The following CAPN13 variants were observed in gnomAD, a reference collection of about 807,000 sequenced individuals.
CAPN13 encodes calpain-13.
CAPN13 carries 90 observed loss-of-function variants against 98.4 expected under a neutral mutation model. That is an observed-to-expected ratio of 0.92 (90% CI 0.77 to 1.09). The LOEUF is 1.09. CAPN13 is among the 50% of genes least tolerant of loss of function. CAPN13 has a pLI of 0.00. For synonymous variants in CAPN13, 330 were observed against 305.5 expected, an observed-to-expected ratio of 1.08 and a Z score of -0.84; for missense variants, 887 against 841.3, an observed-to-expected ratio of 1.05 and a Z score of -0.67.
At chr2:30,805,307 G>T (rs1371177839) in intron 1 of CAPN13, among the ~76,000 whole-genome samples, 2 of 152,146 alleles carry the variant, frequency 1.3e-5, no homozygotes, top group Non-Finnish European at 2.9e-5. Context: ...TTGGCCAAGT[G>T]GCTGGTCATG....
intron 20 of CAPN13, among the ~76,000 whole-genome samples, chr2:30,731,972 C>T (rs929182631): frequency 2.0e-5 from 3 of 152,098 alleles, no homozygotes; most frequent in Non-Finnish European, 4.4e-5. Flanking sequence ...GGGTTTCACA[C>T]TAGATTTCAT....
At chr2:30,786,629 G>A (rs1257701175) in intron 2 of CAPN13, among the ~76,000 whole-genome samples, 4 of 152,148 alleles carry the variant, frequency 2.6e-5, no homozygotes, top group Admixed American at 2.0e-4. Context: ...CTCTAAGATC[G>A]AGAATGGGAA....
At chr2:30,795,163 G>A (rs1171847960) in intron 1 of CAPN13, among the ~76,000 whole-genome samples, 1 of 151,930 alleles carries the variant, frequency 6.6e-6, no homozygotes, top group Admixed American at 6.6e-5. Context: ...TGATTTATTT[G>A]TACTTCTCCT....
chr2:30,732,515 AG>A lies in CAPN13; in HGVS notation c.1849del (p.Leu617SerfsTer19), dbSNP rs1671155938. The A allele has an allele frequency of 6.2e-7, 1 of 1,612,094 alleles. No homozygotes were observed. Among genetic ancestry groups the A allele is most frequent in the Non-Finnish European group, 8.5e-7 (1 of 1,179,178 alleles). On this transcript the variant is annotated frameshift_variant, in exon 20 of 23. Coordinates refer to ENST00000295055, the MANE Select transcript of CAPN13 (RefSeq NM_144575.3). LOFTEE classifies it high-confidence loss of function. ...CCTGCCGACGCTGTCGCTGTACCTG[AG>A]GGTCACCAGATGCAGCAGCTCACGG... ...ISRELLHLVT[L>X]RYSDSVGRVS...
At chr2:30,741,362 C>T (rs1671644581) in intron 15 of CAPN13, 1 of 985,002 alleles carries the variant, frequency 1.0e-6, no homozygotes, top group Non-Finnish European at 1.2e-6. Context: ...ACTTTCCACA[C>T]TAACACAATT....
intron 1 of CAPN13, among the ~76,000 whole-genome samples, chr2:30,802,015 C>T (rs980097018): frequency 2.6e-5 from 4 of 152,166 alleles, no homozygotes; most frequent in African/African-American, 9.7e-5. Context: ...CACAACACAG[C>T]GGAGAAAGGA....
In CAPN13 at chr2:30,723,161, A is replaced by G. The variant is rs1191313759; in HGVS notation, c.*106T>C. ...TTTCATGCAGGGCTGGTTTAGATTT[A>G]TCACAACCACCATACTGGGCAGCAC... On this transcript the variant is annotated 3_prime_UTR_variant, in exon 23 of 23. Coordinates refer to ENST00000295055, the MANE Select transcript of CAPN13 (RefSeq NM_144575.3). 1 of 152,262 alleles carries G rather than the reference A, an allele frequency of 6.6e-6. No homozygotes were observed. The highest frequency in any genetic ancestry group is 6.5e-5 in the Admixed American group (1 of 15,286). The allele number at this position is 152,262 out of a possible 1,614,324, so 9.4% of individuals were successfully genotyped here.
intron 6 of CAPN13, 87 bp from the exon 7 acceptor site, chr2:30,763,243 C>T: frequency 8.4e-7 from 1 of 1,186,258 alleles, no homozygotes; most frequent in South Asian, 1.3e-5. Context: ...GCCACTGAGC[C>T]ATCTGGGCCT....
intron 1 of CAPN13, among the ~76,000 whole-genome samples, chr2:30,791,018 G>T (rs768987364): frequency 6.6e-6 from 1 of 151,962 alleles, no homozygotes; most frequent in Non-Finnish European, 1.5e-5. Flanking sequence ...GGGGGTTAGG[G>T]TTTCATATGA....
intron 15 of CAPN13, among the ~76,000 whole-genome samples, 175 bp from the exon 16 acceptor site, chr2:30,738,632 T>A (rs567569504): frequency 6.6e-6 from 1 of 152,282 alleles, no homozygotes; most frequent in East Asian, 1.9e-4. Flanking sequence ...AGTGACTCCC[T>A]CCCCTGCACA....
intron 10 of CAPN13, among the ~76,000 whole-genome samples, chr2:30,752,237 G>A (rs1218194480): frequency 6.6e-6 from 1 of 152,216 alleles, no homozygotes; most frequent in African/African-American, 2.4e-5. Context: ...ACAGGCAGGT[G>A]CCCAGAGGAA....
chr2:30,750,810 G>A (rs1672136426), intron 11 of CAPN13, among the ~76,000 whole-genome samples: 1 of 152,182 alleles, frequency 6.6e-6, no homozygotes, highest in Admixed American at 6.5e-5. Flanking sequence ...GCTGGTCTTG[G>A]CCCAGACCAC....
chr2:30,750,083 T>A (rs906961358), intron 11 of CAPN13, among the ~76,000 whole-genome samples: 1 of 152,042 alleles, frequency 6.6e-6, no homozygotes, highest in African/African-American at 2.4e-5. Context: ...CAATGACAGA[T>A]TGGATAAAGA....
chr2:30,779,331 GCCTCAGTTT>G (rs1367341916), intron 2 of CAPN13, among the ~76,000 whole-genome samples: 1 of 152,192 alleles, frequency 6.6e-6, no homozygotes, highest in Non-Finnish European at 1.5e-5. Flanking sequence ...ACTTTGCTGT[GCCTCAGTTT>G]CCTCATGTGT....
intron 22 of CAPN13, among the ~76,000 whole-genome samples, chr2:30,727,218 A>C (rs1558602880): frequency 1.3e-5 from 2 of 152,208 alleles, no homozygotes; most frequent in Admixed American, 6.5e-5. Context: ...GTAAGAGCTA[A>C]ACTATAAAAC....
chr2:30,759,617 G>A (rs1172086674), intron 7 of CAPN13, among the ~76,000 whole-genome samples: 1 of 152,208 alleles, frequency 6.6e-6, no homozygotes, highest in African/African-American at 2.4e-5. Context: ...GCAGGTGGAC[G>A]CAGGGCTCAG....
chr2:30,758,811 C>CCCTCCCTT (rs1672620107), intron 7 of CAPN13, among the ~76,000 whole-genome samples: 1 of 92,738 alleles, frequency 1.1e-5, no homozygotes, highest in African/African-American at 5.5e-5. Context: ...TCCCTCCCTT[C>CCCTCCCTT]CCTTCCTCCC....
intron 5 of CAPN13, among the ~76,000 whole-genome samples, chr2:30,764,520 G>C (rs1572841157): frequency 6.6e-6 from 1 of 152,054 alleles, no homozygotes; most frequent in African/African-American, 2.4e-5. Context: ...TCCTGCCCTG[G>C]TCCCCCAGGC....
In CAPN13 at chr2:30,770,417, C is replaced by T. The variant is rs748726442; in HGVS notation, c.420G>A (p.Val140=). The T allele has an allele frequency of 1.1e-5, 18 of 1,613,900 alleles. No homozygotes were observed. In the South Asian group the frequency reaches 1.8e-4, roughly 16 times the overall value. The change falls in exon 5 of 23, where the codon GTG becomes GTA. Residue 140 remains valine, a synonymous_variant. Coordinates refer to ENST00000295055, the MANE Select transcript of CAPN13 (RefSeq NM_144575.3). ...FWQCGQWVEV[V]IDDRLPVQGD... ...CCTGGACAGGTAGGCGGTCATCAAT[C>T]ACCACTTCCACCCACTGGCCACATT...
Sources: gnomAD v4.1 joint callset for allele counts (sites outside exome capture counted in the v4.1 genomes callset) on GRCh38, gnomAD v4.1.1 for gene constraint, MANE v1.5 for transcripts, NCBI Gene and HGNC (gene_info 2026-07-23, HGNC 2026-07-21) for gene names.